Variants in ANKRD31 observed in about 807,000 individuals in gnomAD.
ANKRD31 encodes the protein ankyrin repeat domain 31.
A neutral mutation model predicts 186.0 loss-of-function variants in ANKRD31; 147 were observed. The observed-to-expected ratio is 0.79, with a 90% CI of 0.69 to 0.91. ANKRD31 has a LOEUF of 0.91. Ranked by LOEUF, ANKRD31 falls within the 40% of genes least tolerant of loss-of-function variation. ANKRD31 has a pLI of 0.00. For synonymous variants in ANKRD31, 673 were observed against 736.4 expected (o/e 0.91, Z 1.39); for missense variants, 1,986 against 2,148.8 (o/e 0.92, Z 1.50).
chr5:75,198,327 C>T (rs1314229281), intron 6 of ANKRD31, among the ~76,000 whole-genome samples: 1 of 152,124 alleles, frequency 6.6e-6, no homozygotes, highest in African/African-American at 2.4e-5. Context: ...ACAGCACTGG[C>T]TTCTATGCAC....
In ANKRD31 at chr5:75,176,997, C is replaced by T. The variant is rs186226423; in HGVS notation, c.1565-7876G>A. 2.6e-4 allele frequency among the ~76,000 whole-genome samples: 40 copies of T among 152,116 alleles called. No homozygotes were observed. The East Asian group carries it at 5.2e-3, about 20-fold the overall frequency. On this transcript the variant is annotated intron_variant, in intron 10 of 25. Coordinates refer to ENST00000506364, the MANE Select transcript of ANKRD31 (RefSeq NM_001372053.1). ...TTAAAAACTATGAAAAAAAATTAGA[C>T]GAATGGATAACTAGAATAATCAATG...
chr5:75,124,076 TCAA>T (rs922745396), intron 17 of ANKRD31, among the ~76,000 whole-genome samples: 1 of 151,712 alleles, frequency 6.6e-6, no homozygotes, highest in Non-Finnish European at 1.5e-5. Flanking sequence ...CTCAAACAAC[TCAA>T]CAACAATAAC....
In ANKRD31 at chr5:75,094,816, G is replaced by C. The variant is rs115533165; in HGVS notation, c.5332-3415C>G. Among the ~76,000 whole-genome samples, 727 of 152,108 alleles carry C rather than the reference G, an allele frequency of 4.8e-3. 12 individuals are homozygous for C. Among genetic ancestry groups the C allele is most frequent in the African/African-American group, 0.017 (697 of 41,496 alleles). ...ACAGATTTTAGATTCAAAGAGACAA[G>C]TAAATTTAAAGTAAGAGGACAGAAA... On this transcript the variant is annotated intron_variant, in intron 22 of 25. Transcript: ENST00000506364.
At chr5:75,166,375 G>A (rs1049358871) in intron 11 of ANKRD31, among the ~76,000 whole-genome samples, 1 of 152,160 alleles carries the variant, frequency 6.6e-6, no homozygotes, top group African/African-American at 2.4e-5. Context: ...AGAGGCTGAG[G>A]CACAAGAAGC....
intron 10 of ANKRD31, 130 bp from the exon 11 acceptor site, chr5:75,169,251 G>C (rs537112256): frequency 9.3e-7 from 1 of 1,078,372 alleles, no homozygotes; most frequent in Non-Finnish European, 1.3e-6. Flanking sequence ...AGTCAAGATA[G>C]TATCACCTGA....
intron 17 of ANKRD31, among the ~76,000 whole-genome samples, chr5:75,127,851 G>C (rs1489459447): frequency 1.3e-5 from 2 of 152,054 alleles, no homozygotes; most frequent in Non-Finnish European, 2.9e-5. Context: ...AAAGGTCTTG[G>C]ACATATTTTG....
chr5:75,233,283 G>C (rs1315114256), intron 1 of ANKRD31, among the ~76,000 whole-genome samples: 1 of 151,790 alleles, frequency 6.6e-6, no homozygotes, highest in South Asian at 2.1e-4. Context: ...GGCTGGTCTC[G>C]AACTCCTGAC....
chr5:75,156,892 G>C (rs1005417568), intron 11 of ANKRD31, among the ~76,000 whole-genome samples: 2 of 152,202 alleles, frequency 1.3e-5, no homozygotes, highest in Non-Finnish European at 2.9e-5. Context: ...AGAGCTGTGA[G>C]AGAATAAATT....
chr5:75,180,485 A>C (rs1754198251), intron 10 of ANKRD31, among the ~76,000 whole-genome samples: 1 of 152,212 alleles, frequency 6.6e-6, no homozygotes, highest in East Asian at 1.9e-4. Context: ...TTCAAAGTAT[A>C]CTACAAGGCT....
chr5:75,104,407 C>T lies in ANKRD31; in HGVS notation c.5152G>A (p.Val1718Ile), dbSNP rs1406498769. ...TGACTGTCATCTGCACATGGAACAA[C>T]AGAAACTGATTTTTTAAGATATGGT... is the stretch of plus-strand genomic sequence containing the variant. Reference protein sequence around the residue: ...MKPYLKKSVSVVPCADDSQIS... With the variant: ...MKPYLKKSVSIVPCADDSQIS... Residue 1718 changes from valine to isoleucine, a missense_variant, in exon 22 of 26, where the codon GTT becomes ATT. Val to Ile is a conservative substitution (Grantham distance 29, BLOSUM62 3). Transcript: ENST00000506364. 1.3e-6 allele frequency: 2 copies of T among 1,537,062 alleles called. No homozygotes were observed. The highest frequency in any genetic ancestry group is 2.4e-5 in the East Asian group (1 of 40,920).
rs969223912 is a variant in ANKRD31 at position 75,192,690 on chromosome 5, T to G, written c.1385A>C (p.Asn462Thr). 6.5e-7 allele frequency: 1 copy of G among 1,532,180 alleles called. No individual in the cohort carries two copies. The highest frequency in any genetic ancestry group is 2.0e-5 in the Admixed American group (1 of 50,396). 94.9% of individuals were successfully genotyped at this position (1,532,180 alleles called of 1,614,324 possible). A position where few individuals can be genotyped will look rare whatever the true frequency, so the allele number is the denominator to read the frequency against. Residue 462 changes from asparagine (N) to threonine (T), a missense_variant, in exon 9 of 26, where the codon AAT becomes ACT. Transcript: ENST00000506364. ...ACCTTTTTTTCCTGAAAATTGTTCATTTTTCCTGATCTGTTTTCCATTCTT... is the reference window on the plus strand; with the variant it reads ...ACCTTTTTTTCCTGAAAATTGTTCAGTTTTCCTGATCTGTTTTCCATTCTT... The part of the protein sequence containing the change: ...RFKNGKQIRK[N>T]EQFSGKKEKM...
intron 17 of ANKRD31, among the ~76,000 whole-genome samples, chr5:75,122,428 T>C (rs1235121333): frequency 1.3e-5 from 2 of 151,860 alleles, no homozygotes; most frequent in Non-Finnish European, 2.9e-5. Flanking sequence ...GCTCATTCCA[T>C]GAAGCCAGTA....
At chr5:75,124,502 T>C (rs1332258354) in intron 17 of ANKRD31, among the ~76,000 whole-genome samples, 3 of 152,186 alleles carry the variant, frequency 2.0e-5, no homozygotes, top group African/African-American at 7.2e-5. Context: ...TGTAACACTA[T>C]TCACAATAGC....
At chr5:75,074,098 T>C (rs1014935035) in intron 25 of ANKRD31, among the ~76,000 whole-genome samples, 16 of 152,228 alleles carry the variant, frequency 1.1e-4, no homozygotes, top group East Asian at 7.7e-4. Context: ...CCTATAATCA[T>C]AGGACTTTAG....
At chr5:75,215,035 C>T (rs1756880230) in intron 3 of ANKRD31, among the ~76,000 whole-genome samples, 1 of 152,168 alleles carries the variant, frequency 6.6e-6, no homozygotes, top group Admixed American at 6.5e-5. Flanking sequence ...GCTCGAGACA[C>T]AGCCAGCCAA....
chr5:75,103,313 C>T (rs945696993), intron 22 of ANKRD31, among the ~76,000 whole-genome samples: 3 of 152,158 alleles, frequency 2.0e-5, no homozygotes, highest in Non-Finnish European at 4.4e-5. Context: ...CCTCTCACAC[C>T]ACTCAGAACA....
At chr5:75,214,600 C>T (rs559194125) in intron 3 of ANKRD31, among the ~76,000 whole-genome samples, 3 of 152,166 alleles carry the variant, frequency 2.0e-5, no homozygotes, top group Non-Finnish European at 4.4e-5. Context: ...ATCCTTCTTC[C>T]ATTACACACA....
intron 19 of ANKRD31, among the ~76,000 whole-genome samples, chr5:75,114,035 C>T (rs114361590): frequency 0.018 from 2,741 of 152,224 alleles, 78 homozygotes; most frequent in African/African-American, 0.063. Context: ...ATTGAGGATG[C>T]TACCTTGGTT....
intron 17 of ANKRD31, among the ~76,000 whole-genome samples, chr5:75,125,202 T>C (rs1749141749): frequency 6.6e-6 from 1 of 152,172 alleles, no homozygotes. Flanking sequence ...CAGCAGATAA[T>C]GGCAGGTGAA....
Sources: allele counts gnomAD v4.1 joint callset (sites outside exome capture counted in the v4.1 genomes callset), GRCh38; gene constraint gnomAD v4.1.1; transcripts MANE v1.5; gene names NCBI Gene and HGNC (gene_info 2026-07-23, HGNC 2026-07-21).